Variants in ZNF618 observed in about 807,000 individuals in gnomAD.
The protein encoded by ZNF618 is neural precursor cell expressed, developmentally down-regulated 10.
ZNF618 carries 34 observed loss-of-function variants against 103.0 expected under a neutral mutation model. The observed-to-expected ratio is 0.33, with a 90% confidence interval of 0.25 to 0.44. The LOEUF (loss-of-function observed/expected upper bound fraction) is 0.44. ZNF618 is among the 20% of genes least tolerant of loss of function. The pLI, the probability that ZNF618 is intolerant of heterozygous loss-of-function variation, is 1.00. For missense variants in ZNF618, 1,059 were observed against 1,295.4 expected (o/e 0.82, Z 2.80); for synonymous variants, 551 against 542.2 (o/e 1.02, Z -0.23).
chr9:113,973,993 A>T (rs76581508), intron 2 of ZNF618, among the ~76,000 whole-genome samples: 51 of 152,312 alleles, frequency 3.3e-4, no homozygotes, highest in African/African-American at 1.2e-3. Flanking sequence ...GCATTCCACA[A>T]ATATTTACTG....
chr9:114,001,009 C>A (rs1212692962), intron 4 of ZNF618, among the ~76,000 whole-genome samples: 2 of 135,138 alleles, frequency 1.5e-5, no homozygotes, highest in African/African-American at 5.0e-5. Context: ...TTTGTCCACG[C>A]TCCCTGGCTA....
Position 114,043,179 on chromosome 9 carries a change from A to G in ZNF618, c.1247-4714A>G, listed in dbSNP as rs541285250. On this transcript the variant is annotated intron_variant, in intron 13 of 14. Coordinates refer to ENST00000374126, the MANE Select transcript of ZNF618 (RefSeq NM_001318042.2). Reference sequence around the variant, plus strand: ...CGGGGCTATTATGAATAACGCTGCTATGAACATTCATGTACAAGTCATGTA... The same window carrying G: ...CGGGGCTATTATGAATAACGCTGCTGTGAACATTCATGTACAAGTCATGTA... 3.9e-5 allele frequency among the ~76,000 whole-genome samples: 6 copies of G among 152,384 alleles called. No individual in the cohort carries two copies. The South Asian group carries it at 8.3e-4, about 21-fold the overall frequency.
At chr9:113,989,882 C>T (rs1373194089) in intron 3 of ZNF618, among the ~76,000 whole-genome samples, 1 of 152,232 alleles carries the variant, frequency 6.6e-6, no homozygotes, top group African/African-American at 2.4e-5. Context: ...GCTTGCCTGC[C>T]CCCTGCCCTG....
At chr9:113,969,300 G>T in intron 2 of ZNF618, 140 bp downstream of exon 2, 2 of 1,028,118 alleles carry the variant, frequency 1.9e-6, no homozygotes, top group South Asian at 1.4e-5. Flanking sequence ...GAAGTATCCA[G>T]ACTTCCCCAA....
At chr9:113,966,302 G>A (rs1375776692) in intron 1 of ZNF618, among the ~76,000 whole-genome samples, 5 of 152,148 alleles carry the variant, frequency 3.3e-5, no homozygotes, top group Admixed American at 2.6e-4. Flanking sequence ...GCTGAAGATC[G>A]CAGAGCTAGA....
At chr9:113,962,285 T>A (rs1424635620) in intron 1 of ZNF618, among the ~76,000 whole-genome samples, 3 of 152,194 alleles carry the variant, frequency 2.0e-5, no homozygotes, top group African/African-American at 7.2e-5. Flanking sequence ...CCAACCAGTA[T>A]ATTCAGAACT....
chr9:114,029,027 C>T, intron 11 of ZNF618, 55 bp downstream of exon 11: 1 of 1,516,366 alleles, frequency 6.6e-7, no homozygotes, highest in East Asian at 2.5e-5. Context: ...CTTCTCACCA[C>T]CTGCCACAGC....
chr9:114,008,323 C>T (rs375819970), intron 7 of ZNF618, 21 bp from the exon 8 acceptor site: 50 of 1,612,730 alleles, frequency 3.1e-5, no homozygotes, highest in Non-Finnish European at 4.2e-5. Context: ...TCTGCGGCTG[C>T]CGCCTCCTGC....
At chr9:113,941,000 A>C (rs539493830) in intron 1 of ZNF618, among the ~76,000 whole-genome samples, 1 of 152,108 alleles carries the variant, frequency 6.6e-6, no homozygotes, top group Admixed American at 6.5e-5. Flanking sequence ...CCTATCATTG[A>C]ACTGCCAAAG....
At chr9:113,902,745 GT>G (rs1314059369) in intron 1 of ZNF618, among the ~76,000 whole-genome samples, 1 of 152,142 alleles carries the variant, frequency 6.6e-6, no homozygotes, top group Non-Finnish European at 1.5e-5. Flanking sequence ...GTATCCCATT[GT>G]AAGGAACTAC....
intron 2 of ZNF618, among the ~76,000 whole-genome samples, chr9:113,984,677 AG>A (rs1839294438): frequency 1.3e-5 from 2 of 152,304 alleles, no homozygotes; most frequent in South Asian, 4.1e-4. Flanking sequence ...AGCCGAGGTA[AG>A]GGAGTTCTGG....
chr9:114,033,773 C>T (rs1296434931), intron 12 of ZNF618, among the ~76,000 whole-genome samples: 1 of 152,224 alleles, frequency 6.6e-6, no homozygotes, highest in Non-Finnish European at 1.5e-5. Context: ...AAGGCACCCA[C>T]TCACTTTCTT....
chr9:113,990,732 G>A (rs887566992), intron 3 of ZNF618, among the ~76,000 whole-genome samples: 1 of 152,128 alleles, frequency 6.6e-6, no homozygotes, highest in African/African-American at 2.4e-5. Context: ...CTAGTCACAC[G>A]GCCCCACCCA....
chr9:114,031,722 C>G (rs1844059943), intron 11 of ZNF618, among the ~76,000 whole-genome samples: 1 of 152,106 alleles, frequency 6.6e-6, no homozygotes, highest in Admixed American at 6.5e-5. Context: ...CTTTGCGGAG[C>G]CTTTGATATC....
chr9:113,926,567 T>C (rs189823841), intron 1 of ZNF618, among the ~76,000 whole-genome samples: 1 of 152,342 alleles, frequency 6.6e-6, no homozygotes, highest in East Asian at 1.9e-4. Flanking sequence ...TTTTACACTC[T>C]TTTTTCTCTG....
At chr9:113,912,463 A>G (rs1417822676) in intron 1 of ZNF618, among the ~76,000 whole-genome samples, 1 of 152,176 alleles carries the variant, frequency 6.6e-6, no homozygotes, top group Non-Finnish European at 1.5e-5. Flanking sequence ...GAATCATTTT[A>G]AATGTGAGTG....
At chr9:113,956,232 AAAAAAAAG>A (rs1836279460) in intron 1 of ZNF618, among the ~76,000 whole-genome samples, 7 of 150,884 alleles carry the variant, frequency 4.6e-5, no homozygotes, top group Admixed American at 4.0e-4. Flanking sequence ...AAAAAAAAAA[AAAAAAAAG>A]AAGAGCATTG....
intron 1 of ZNF618, among the ~76,000 whole-genome samples, chr9:113,929,997 G>A (rs1435617125): frequency 6.6e-6 from 1 of 152,212 alleles, no homozygotes; most frequent in African/African-American, 2.4e-5. Flanking sequence ...GTTTTTAAAA[G>A]CATTTCCTCT....
chr9:113,966,262 A>G (rs963271828), intron 1 of ZNF618, among the ~76,000 whole-genome samples: 1 of 152,176 alleles, frequency 6.6e-6, no homozygotes, highest in Admixed American at 6.5e-5. Context: ...GCAGAGGGAG[A>G]AATCGAGGCC....
Sources: gnomAD v4.1 joint callset for allele counts (sites outside exome capture counted in the v4.1 genomes callset) on GRCh38, gnomAD v4.1.1 for gene constraint, MANE v1.5 for transcripts, NCBI Gene and HGNC (gene_info 2026-07-23, HGNC 2026-07-21) for gene names.